The following SLC38A12 variants were observed in gnomAD, a reference collection of about 807,000 sequenced individuals.
SLC38A12 encodes putative sodium-coupled neutral amino acid transporter 12.
At chr17:74,786,391 G>C in the SLC38A12 span, among the ~76,000 whole-genome samples, 1 of 152,224 alleles carries the variant, frequency 6.6e-6, no homozygotes, top group Non-Finnish European at 1.5e-5. Context: ...CCCCATCTGT[G>C]CACCAAGCAC....
At chr17:74,809,001 T>C in the SLC38A12 span, among the ~76,000 whole-genome samples, 1 of 152,224 alleles carries the variant, frequency 6.6e-6, no homozygotes, top group African/African-American at 2.4e-5. Context: ...AGCCGCACTC[T>C]GCCTGATAGG....
chr17:74,785,647 C>A, the SLC38A12 span: 1 of 1,598,100 alleles, frequency 6.3e-7, no homozygotes. Flanking sequence ...AGGAGTGGAG[C>A]AGGAGGGAGT....
At chr17:74,788,882 G>T in the SLC38A12 span, 1,866 of 1,611,074 alleles carry the variant, frequency 1.2e-3, 5 homozygotes, top group South Asian at 2.4e-3. Flanking sequence ...TGTGTGTGTT[G>T]CCCTCGTCTC....
chr17:74,838,107 G>A, the SLC38A12 span: 1 of 985,836 alleles, frequency 1.0e-6, no homozygotes, highest in Non-Finnish European at 1.2e-6. Flanking sequence ...AACTCGGGGA[G>A]CCCACGGGCT....
chr17:74,785,030 A>G, the SLC38A12 span, among the ~76,000 whole-genome samples: 2 of 152,150 alleles, frequency 1.3e-5, no homozygotes, highest in African/African-American at 4.8e-5. Context: ...TCCGTGTCCC[A>G]AAGGACAATG....
At chr17:74,826,464 C>T in the SLC38A12 span, among the ~76,000 whole-genome samples, 1 of 152,260 alleles carries the variant, frequency 6.6e-6, no homozygotes, top group African/African-American at 2.4e-5. Flanking sequence ...CTCCAGAAAG[C>T]ACAGAAGCTG....
At chr17:74,778,639 C>CTTTTTTT in the SLC38A12 span, among the ~76,000 whole-genome samples, 1 of 75,786 alleles carries the variant, frequency 1.3e-5, no homozygotes, top group Non-Finnish European at 2.4e-5. Context: ...CAGGGGAAGT[C>CTTTTTTT]TTTTTTTTTT....
the SLC38A12 span, chr17:74,837,193 C>T: frequency 3.3e-5 from 33 of 985,868 alleles, no homozygotes; most frequent in African/African-American, 3.5e-5. Context: ...CTGCCTGTGA[C>T]GGCAGGGCCC....
the SLC38A12 span, among the ~76,000 whole-genome samples, chr17:74,796,410 C>T: frequency 1.3e-5 from 2 of 152,240 alleles, no homozygotes; most frequent in African/African-American, 4.8e-5. Context: ...TGATTTGGAG[C>T]AGGGAGGCAG....
chr17:74,817,543 A>G, the SLC38A12 span, among the ~76,000 whole-genome samples: 1 of 152,202 alleles, frequency 6.6e-6, no homozygotes. Flanking sequence ...CACCTCACAC[A>G]TACCACTTAC....
At chr17:74,807,466 C>G in the SLC38A12 span, among the ~76,000 whole-genome samples, 3 of 152,268 alleles carry the variant, frequency 2.0e-5, no homozygotes, top group Non-Finnish European at 4.4e-5. Flanking sequence ...CAACCCTCCC[C>G]TGGGCCTTAG....
chr17:74,801,860 C>A, the SLC38A12 span, among the ~76,000 whole-genome samples: 1 of 152,102 alleles, frequency 6.6e-6, no homozygotes, highest in African/African-American at 2.4e-5. Context: ...TCTTGTCTTC[C>A]GTGTGCTTTC....
chr17:74,836,704 T>C, the SLC38A12 span: 1 of 1,572,928 alleles, frequency 6.4e-7, no homozygotes, highest in Non-Finnish European at 8.6e-7. This position sits in a 1 kb window ranked among gnomAD's most constrained non-coding sequence, Gnocchi z 4.2. Context: ...GACAGGCAGG[T>C]CTAGTGACAG....
the SLC38A12 span, among the ~76,000 whole-genome samples, chr17:74,834,512 G>A: frequency 6.6e-6 from 1 of 152,186 alleles, no homozygotes; most frequent in Non-Finnish European, 1.5e-5. Flanking sequence ...CAGTGTCATT[G>A]TGGGAAGACA....
chr17:74,817,469 C>T, the SLC38A12 span, among the ~76,000 whole-genome samples: 1 of 152,162 alleles, frequency 6.6e-6, no homozygotes, highest in African/African-American at 2.4e-5. Context: ...GGTCTGAGAA[C>T]ACTAAGCGGA....
At chr17:74,824,579 C>T in the SLC38A12 span, among the ~76,000 whole-genome samples, 1 of 152,150 alleles carries the variant, frequency 6.6e-6, no homozygotes, top group Non-Finnish European at 1.5e-5. Context: ...GCGGGGCGCC[C>T]CATTTGGGGT....
At chr17:74,828,650 C>T in the SLC38A12 span, among the ~76,000 whole-genome samples, 4 of 152,180 alleles carry the variant, frequency 2.6e-5, no homozygotes, top group Admixed American at 2.6e-4. Context: ...TTCCATAGCA[C>T]CCCAGACCCA....
chr17:74,788,708 G>A, the SLC38A12 span: 26 of 1,249,890 alleles, frequency 2.1e-5, no homozygotes, highest in South Asian at 1.9e-4. Flanking sequence ...GGGTCTGGTC[G>A]GTTCTTACAA....
chr17:74,834,971 T>G, the SLC38A12 span, among the ~76,000 whole-genome samples: 1 of 152,190 alleles, frequency 6.6e-6, no homozygotes, highest in Non-Finnish European at 1.5e-5. Context: ...ACACAGCCCC[T>G]TGTCCCTGCG....
Sources: allele counts gnomAD v4.1 joint callset (sites outside exome capture counted in the v4.1 genomes callset), GRCh38; gene constraint gnomAD v4.1.1; non-coding constraint Gnocchi (gnomAD v3.1); transcripts MANE v1.5; gene names NCBI Gene and HGNC (gene_info 2026-07-23, HGNC 2026-07-21).